EYS: variants seen among roughly 807,000 people sequenced by gnomAD.
EYS encodes EGF-like photoreceptor maintenance factor.
A neutral mutation model predicts 282.1 loss-of-function variants in EYS; 250 were observed. That is an observed-to-expected ratio of 0.89 (90% CI 0.80 to 0.98). The LOEUF (loss-of-function observed/expected upper bound fraction) is 0.98. EYS is among the 50% of genes least tolerant of loss of function. The probability of loss-of-function intolerance (pLI) is 0.00; values close to 1 mark genes in which losing one functional copy is unlikely to be tolerated. For synonymous variants in EYS, 1,355 were observed against 1,282.9 expected (o/e 1.06, Z -1.20); for missense variants, 4,016 against 3,709.0 (o/e 1.08, Z -2.15).
chr6:64,291,451 T>C (rs1768705122), intron 30 of EYS, among the ~76,000 whole-genome samples: 1 of 152,100 alleles, frequency 6.6e-6, no homozygotes, highest in African/African-American at 2.4e-5. Flanking sequence ...TTCATTTTCC[T>C]GAATGTTTCA....
At chr6:64,817,089 G>C (rs1030131621) in intron 21 of EYS, among the ~76,000 whole-genome samples, 5 of 151,884 alleles carry the variant, frequency 3.3e-5, no homozygotes, top group Non-Finnish European at 7.4e-5. Context: ...TTAAAGATTT[G>C]TTTCTAATTA....
chr6:65,088,939 G>A (rs1774466729), intron 12 of EYS, among the ~76,000 whole-genome samples: 1 of 152,128 alleles, frequency 6.6e-6, no homozygotes, highest in South Asian at 2.1e-4. Flanking sequence ...TGCTTCAGAG[G>A]GTGCAGGCCA....
chr6:63,761,536 T>G (rs139487589), intron 41 of EYS, among the ~76,000 whole-genome samples: 39 of 152,186 alleles, frequency 2.6e-4, no homozygotes, highest in African/African-American at 9.1e-4. Context: ...TTTGATAAAG[T>G]GATCTAGAAA....
intron 2 of EYS, among the ~76,000 whole-genome samples, chr6:65,620,514 C>T (rs551512900): frequency 4.8e-4 from 73 of 151,380 alleles, no homozygotes; most frequent in Non-Finnish European, 8.4e-4. Context: ...CTCCTGGATT[C>T]GTTAATTTTT....
chr6:65,088,233 T>C (rs1223112963), intron 12 of EYS, among the ~76,000 whole-genome samples: 1 of 152,140 alleles, frequency 6.6e-6, no homozygotes, highest in African/African-American at 2.4e-5. Flanking sequence ...GCTATAAAGA[T>C]ACCCAGAAAT....
At chr6:65,094,936 T>C (rs1478266747) in intron 12 of EYS, among the ~76,000 whole-genome samples, 2 of 151,026 alleles carry the variant, frequency 1.3e-5, no homozygotes, top group Non-Finnish European at 3.0e-5. Flanking sequence ...TCTGAAAAGA[T>C]AAAATTGACA....
chr6:65,131,545 TACA>T (rs771743594), intron 12 of EYS, among the ~76,000 whole-genome samples: 9 of 151,950 alleles, frequency 5.9e-5, no homozygotes, highest in African/African-American at 2.2e-4. Context: ...AGAACAAAGA[TACA>T]ACACGTCAGA....
At chr6:65,326,865 G>A (rs13209408) in intron 11 of EYS, among the ~76,000 whole-genome samples, 27,578 of 150,994 alleles carry the variant, frequency 0.18, 3,028 homozygotes, top group Middle Eastern at 0.26. Context: ...TTTCTTATTG[G>A]AAATCTATAC....
chr6:64,795,598 A>T (rs1458649512), intron 22 of EYS, among the ~76,000 whole-genome samples: 1 of 152,166 alleles, frequency 6.6e-6, no homozygotes, highest in South Asian at 2.1e-4. Context: ...TTGGCATCAA[A>T]CTTTATGGCA....
intron 26 of EYS, among the ~76,000 whole-genome samples, chr6:64,504,605 A>G (rs541683940): frequency 6.6e-6 from 1 of 152,332 alleles, no homozygotes; most frequent in African/African-American, 2.4e-5. Context: ...ATGAGGAGCC[A>G]GGGAAGACTG....
intron 5 of EYS, among the ~76,000 whole-genome samples, chr6:65,488,543 C>T (rs542635083): frequency 7.8e-4 from 118 of 152,202 alleles, no homozygotes; most frequent in African/African-American, 2.7e-3. Flanking sequence ...TGAAAATGGC[C>T]TTACTGTCCA....
chr6:64,839,322 T>C (rs1477238761), intron 19 of EYS, among the ~76,000 whole-genome samples: 1 of 152,046 alleles, frequency 6.6e-6, no homozygotes, highest in Non-Finnish European at 1.5e-5. Flanking sequence ...AGTTACATAA[T>C]AATTTTATTA....
intron 26 of EYS, among the ~76,000 whole-genome samples, chr6:64,587,140 C>T (rs567822227): frequency 6.6e-6 from 1 of 152,182 alleles, no homozygotes; most frequent in African/African-American, 2.4e-5. Context: ...ATAGAGGTGG[C>T]TCCACGATGC....
At chr6:64,992,270 TAAG>T (rs1237530724) in intron 14 of EYS, among the ~76,000 whole-genome samples, 4 of 151,908 alleles carry the variant, frequency 2.6e-5, no homozygotes, top group African/African-American at 7.2e-5. Flanking sequence ...ATGAATACTA[TAAG>T]AAGTTTTCAT....
intron 8 of EYS, among the ~76,000 whole-genome samples, chr6:65,360,276 A>T (rs9453269): frequency 0.67 from 102,213 of 151,692 alleles, 34,545 homozygotes; most frequent in South Asian, 0.71. Flanking sequence ...AAAAGCAATG[A>T]TGAATTTACA....
intron 1 of EYS, among the ~76,000 whole-genome samples, chr6:65,691,505 G>GT (rs1769242270): frequency 8.3e-6 from 1 of 120,130 alleles, no homozygotes; most frequent in Non-Finnish European, 2.1e-5. Context: ...TGGATAGATT[G>GT]CAAAAATATT....
At chr6:64,841,602 T>C (rs971603740) in intron 19 of EYS, among the ~76,000 whole-genome samples, 3 of 152,142 alleles carry the variant, frequency 2.0e-5, no homozygotes, top group Admixed American at 6.6e-5. Context: ...ATCCAGAACA[T>C]TGTCTACTAA....
chr6:65,048,387 A>G (rs746474742), intron 13 of EYS, among the ~76,000 whole-genome samples: 4 of 151,856 alleles, frequency 2.6e-5, no homozygotes, highest in Non-Finnish European at 5.9e-5. Flanking sequence ...ATCACATTGG[A>G]CTGTCCAATC....
chr6:64,543,437 A>C (rs1764749274), intron 26 of EYS, among the ~76,000 whole-genome samples: 1 of 152,104 alleles, frequency 6.6e-6, no homozygotes, highest in Non-Finnish European at 1.5e-5. Context: ...TTTATAGAAA[A>C]AATATAATGG....
Sources: gnomAD v4.1 joint callset for allele counts (sites outside exome capture counted in the v4.1 genomes callset) on GRCh38, gnomAD v4.1.1 for gene constraint, MANE v1.5 for transcripts, NCBI Gene and HGNC (gene_info 2026-07-23, HGNC 2026-07-21) for gene names.